The following NRG3 variants were observed in gnomAD, a reference collection of about 807,000 sequenced individuals.
NRG3 encodes pro-neuregulin-3, membrane-bound isoform.
Under a neutral mutation model 66.9 loss-of-function variants are expected in NRG3, and 31 were observed. The observed-to-expected ratio is 0.46, with a 90% CI of 0.35 to 0.63. The LOEUF (loss-of-function observed/expected upper bound fraction) is 0.63. Ranked by LOEUF, NRG3 falls within the 20% of genes least tolerant of loss-of-function variation. The pLI, the probability that NRG3 is intolerant of heterozygous loss-of-function variation, is 0.00. For missense variants in NRG3, 910 were observed against 878.9 expected (o/e 1.04, Z -0.45); for synonymous variants, 393 against 359.4 (o/e 1.09, Z -1.06).
At chr10:82,247,333 G>A (rs901592253) in intron 1 of NRG3, among the ~76,000 whole-genome samples, 1 of 152,156 alleles carries the variant, frequency 6.6e-6, no homozygotes, top group Non-Finnish European at 1.5e-5. Flanking sequence ...AGCATGTTCA[G>A]GTTCCTGTGT....
chr10:81,902,239 A>G (rs956006071), intron 1 of NRG3, among the ~76,000 whole-genome samples: 1 of 152,174 alleles, frequency 6.6e-6, no homozygotes, highest in African/African-American at 2.4e-5. Context: ...TAAATAAAGG[A>G]AAGGGAAAGA....
intron 3 of NRG3, among the ~76,000 whole-genome samples, chr10:82,823,342 G>C (rs781745427): frequency 6.6e-6 from 1 of 152,166 alleles, no homozygotes; most frequent in African/African-American, 2.4e-5. Flanking sequence ...GAAACTCTCA[G>C]AACAAAGCAG....
chr10:82,804,424 A>T (rs2061189291), intron 3 of NRG3, among the ~76,000 whole-genome samples: 1 of 152,176 alleles, frequency 6.6e-6, no homozygotes. Flanking sequence ...TGGGTGGAAG[A>T]CATGAACAGA....
At chr10:82,767,932 G>A (rs1301592180) in intron 3 of NRG3, among the ~76,000 whole-genome samples, 3 of 151,484 alleles carry the variant, frequency 2.0e-5, no homozygotes, top group Non-Finnish European at 2.9e-5. Flanking sequence ...TAAAGTATGA[G>A]GAGTTCTTTG....
intron 3 of NRG3, among the ~76,000 whole-genome samples, chr10:82,815,910 G>A (rs1455168861): frequency 6.6e-6 from 1 of 152,190 alleles, no homozygotes; most frequent in African/African-American, 2.4e-5. Context: ...CTATGGCAGG[G>A]CAGGCAGCTC....
At chr10:82,248,367 C>G (rs1251064176) in intron 1 of NRG3, among the ~76,000 whole-genome samples, 1 of 152,118 alleles carries the variant, frequency 6.6e-6, no homozygotes, top group East Asian at 1.9e-4. Flanking sequence ...CTCTCCATTC[C>G]CACTGTGACT....
Position 81,875,957 on chromosome 10 carries a change from T to A in NRG3, c.617T>A (p.Leu206Gln). ...GCCCCGTTCTTCAGTAGCAGCACGCTGGGCTCCCGACCCCCGGTGCCAGGA... is the reference window on the plus strand; with the variant it reads ...GCCCCGTTCTTCAGTAGCAGCACGCAGGGCTCCCGACCCCCGGTGCCAGGA... The part of the protein sequence containing the change: ...TTAPFFSSST[L>Q]GSRPPVPGTP... Residue 206 changes from leucine to glutamine, a missense_variant, in exon 1 of 9, where the codon CTG becomes CAG. By Grantham distance (113) the Leu-to-Gln change is moderately radical (BLOSUM62 -2). Transcript: ENST00000372141. The surrounding 1 kb of genome is among the most constrained non-coding windows in gnomAD (Gnocchi z 5.3). The A allele has an allele frequency of 6.2e-7, 1 of 1,613,934 alleles. No homozygotes were observed. The highest frequency in any genetic ancestry group is 1.3e-5 in the African/African-American group (1 of 75,056).
chr10:82,849,271 G>C (rs928410151), intron 3 of NRG3, among the ~76,000 whole-genome samples: 3 of 152,154 alleles, frequency 2.0e-5, no homozygotes, highest in African/African-American at 7.2e-5. Context: ...GAAGCTAGGA[G>C]AGTGACATAG....
At chr10:82,163,703 A>G (rs537360889) in intron 1 of NRG3, among the ~76,000 whole-genome samples, 1 of 152,216 alleles carries the variant, frequency 6.6e-6, no homozygotes, top group East Asian at 1.9e-4. Context: ...CCAGGTAGGA[A>G]CATGGTTGTC....
At chr10:82,569,274 G>A (rs1464789428) in intron 2 of NRG3, among the ~76,000 whole-genome samples, 1 of 151,626 alleles carries the variant, frequency 6.6e-6, no homozygotes, top group Non-Finnish European at 1.5e-5. Flanking sequence ...TGTAAAATGA[G>A]CATTGGATTA....
chr10:82,385,241 T>C (rs2085903447), intron 2 of NRG3, among the ~76,000 whole-genome samples: 1 of 152,132 alleles, frequency 6.6e-6, no homozygotes, highest in African/African-American at 2.4e-5. Context: ...TTTGCAAAGT[T>C]TTCTCCCGTT....
chr10:82,515,322 G>A (rs1476316518), intron 2 of NRG3, among the ~76,000 whole-genome samples: 1 of 152,136 alleles, frequency 6.6e-6, no homozygotes, highest in Admixed American at 6.6e-5. Context: ...TTGAGCCAAT[G>A]AGTAATTTAC....
chr10:82,040,371 A>G (rs1288166983), intron 1 of NRG3, among the ~76,000 whole-genome samples: 2 of 151,290 alleles, frequency 1.3e-5, no homozygotes, highest in African/African-American at 4.8e-5. Flanking sequence ...ATATACATAT[A>G]TATACACTTA....
At chr10:82,697,482 TAG>T (rs1251429025) in intron 2 of NRG3, among the ~76,000 whole-genome samples, 1 of 152,174 alleles carries the variant, frequency 6.6e-6, no homozygotes, top group Admixed American at 6.5e-5. Context: ...TTTTTCTTCT[TAG>T]AGAGGAGAGG....
chr10:82,175,612 C>T (rs539356112), intron 1 of NRG3, among the ~76,000 whole-genome samples: 26 of 152,284 alleles, frequency 1.7e-4, no homozygotes, highest in African/African-American at 6.0e-4. Context: ...GAAAATTAAA[C>T]ATTTCCATAA....
chr10:81,917,829 C>A (rs1371367787), intron 1 of NRG3, among the ~76,000 whole-genome samples: 1 of 152,172 alleles, frequency 6.6e-6, no homozygotes, highest in Non-Finnish European at 1.5e-5. Context: ...GCATTGGGCA[C>A]TGCAGGAATC....
intron 1 of NRG3, among the ~76,000 whole-genome samples, chr10:82,093,757 A>G (rs1448142388): frequency 6.6e-6 from 1 of 152,208 alleles, no homozygotes; most frequent in Non-Finnish European, 1.5e-5. Flanking sequence ...TTTAATACAT[A>G]TCTAGATGAT....
At chr10:82,380,025 G>A (rs2085508999) in intron 2 of NRG3, among the ~76,000 whole-genome samples, 1 of 151,636 alleles carries the variant, frequency 6.6e-6, no homozygotes, top group Non-Finnish European at 1.5e-5. Context: ...TGAAATAGGA[G>A]AGCAAAAGTT....
chr10:81,957,738 G>A (rs915277395), intron 1 of NRG3, among the ~76,000 whole-genome samples: 3 of 152,182 alleles, frequency 2.0e-5, no homozygotes, highest in African/African-American at 7.2e-5. Flanking sequence ...TGGAAATTAA[G>A]TTAGCACCAC....
Sources: allele counts gnomAD v4.1 joint callset (sites outside exome capture counted in the v4.1 genomes callset), GRCh38; gene constraint gnomAD v4.1.1; non-coding constraint Gnocchi (gnomAD v3.1); transcripts MANE v1.5; gene names NCBI Gene and HGNC (gene_info 2026-07-23, HGNC 2026-07-21).